BTNL9: variants seen among roughly 807,000 people sequenced by gnomAD.
BTNL9 encodes butyrophilin like 9.
A neutral mutation model predicts 45.8 loss-of-function variants in BTNL9; 45 were observed. That is an observed-to-expected ratio of 0.98 (90% CI 0.77 to 1.26). The LOEUF (loss-of-function observed/expected upper bound fraction) is 1.26. Ranked by LOEUF, BTNL9 falls within the 50% of genes most tolerant of loss-of-function variation. The pLI, the probability that BTNL9 is intolerant of heterozygous loss-of-function variation, is 0.00. For synonymous variants in BTNL9, 346 were observed against 330.8 expected, an observed-to-expected ratio of 1.05 and a Z score of -0.50; for missense variants, 784 against 729.7, an observed-to-expected ratio of 1.07 and a Z score of -0.86.
chr5:181,055,125 T>A lies in BTNL9; in HGVS notation c.908-308T>A, dbSNP rs1273191931. 2.1e-5 allele frequency: 24 copies of A among 1,165,540 alleles called. No homozygotes were observed. Among genetic ancestry groups the A allele is most frequent in the Non-Finnish European group, 2.3e-5 (22 of 944,096 alleles). 72.2% of individuals were successfully genotyped at this position (1,165,540 alleles called of 1,614,324 possible). On this transcript the variant is annotated intron_variant, in intron 7 of 10. Coordinates refer to ENST00000327705, the MANE Select transcript of BTNL9 (RefSeq NM_152547.5). This position sits in a 1 kb window ranked among gnomAD's most constrained non-coding sequence, Gnocchi z 4.4. Reference sequence around the variant, plus strand: ...GGCGGGAGCTCCGCCCCAGGAAGCTTGTGATTTCAGGCAGAAGGAACAACC... The same window carrying A: ...GGCGGGAGCTCCGCCCCAGGAAGCTAGTGATTTCAGGCAGAAGGAACAACC...
rs749284909 is a variant in BTNL9, at chr5:181,050,977, C to T, written c.736+608C>T. The stretch of plus-strand genomic sequence containing the variant: ...TGGCAGGCGCCTGTAATCCCAGCTA[C>T]TCGGGAGGCTGAGGCAGGAGAATCG... On this transcript the variant is annotated intron_variant, in intron 4 of 10. Coordinates refer to ENST00000327705, the MANE Select transcript of BTNL9 (RefSeq NM_152547.5). The surrounding 1 kb of genome is among the most constrained non-coding windows in gnomAD (Gnocchi z 4.9). Among the ~76,000 whole-genome samples the T allele has an allele frequency of 2.0e-5, 3 of 151,382 alleles. No homozygotes were observed. Among genetic ancestry groups the T allele is most frequent in the African/African-American group, 4.9e-5 (2 of 41,108 alleles).
At position 181,055,303 on chromosome 5, in the gene BTNL9, T is replaced by TAAA; in HGVS notation, c.908-119_908-117dup. ...CAATGAAGGGGCAAAGAGGAAGCTGTAAAAAAAAAAAAATGAAGCTGTGAT... is the reference window on the plus strand; with the variant it reads ...CAATGAAGGGGCAAAGAGGAAGCTGTAAAAAAAAAAAAAAAATGAAGCTGTGAT... On this transcript the variant is annotated intron_variant, in intron 7 of 10. Transcript: ENST00000327705. The surrounding 1 kb of genome is among the most constrained non-coding windows in gnomAD (Gnocchi z 4.4). The TAAA allele has an allele frequency of 9.9e-6, 13 of 1,318,306 alleles. No individual in the cohort carries two copies. Among genetic ancestry groups the TAAA allele is most frequent in the Non-Finnish European group, 7.1e-6 (7 of 979,818 alleles). The allele number at this position is 1,318,306 out of a possible 1,614,324, so 81.7% of individuals were successfully genotyped here.
intron 4 of BTNL9, among the ~76,000 whole-genome samples, chr5:181,051,836 T>A (rs1761556813): frequency 6.6e-6 from 1 of 152,198 alleles, no homozygotes; most frequent in Non-Finnish European, 1.5e-5. Flanking sequence ...ATTATTGATA[T>A]TTATTATGAA....
At chr5:181,054,106 C>T in intron 6 of BTNL9, 133 bp from the exon 7 acceptor site, 2 of 1,555,008 alleles carry the variant, frequency 1.3e-6, no homozygotes, top group Non-Finnish European at 1.7e-6. Context: ...AGCCTGGGCC[C>T]GCAGACCACC....
At chr5:181,049,381 T>G (rs1490857240) in intron 3 of BTNL9, among the ~76,000 whole-genome samples, 3 of 152,356 alleles carry the variant, frequency 2.0e-5, no homozygotes, top group East Asian at 3.9e-4. Flanking sequence ...ATTATGCATC[T>G]GAAACAATGA....
intron 2 of BTNL9, among the ~76,000 whole-genome samples, chr5:181,046,797 G>A (rs1207592258): frequency 1.3e-5 from 2 of 152,170 alleles, no homozygotes; most frequent in Non-Finnish European, 2.9e-5. Flanking sequence ...GAGGAGAGCC[G>A]TAGAGTGGGA....
chr5:181,055,346 T>C lies in BTNL9; in HGVS notation c.908-87T>C. 1 of 1,610,556 alleles carries C rather than the reference T, an allele frequency of 6.2e-7. No individual in the cohort carries two copies. Among genetic ancestry groups the C allele is most frequent in the Non-Finnish European group, 8.5e-7 (1 of 1,178,740 alleles). On this transcript the variant is annotated intron_variant, in intron 7 of 10. Coordinates refer to ENST00000327705, the MANE Select transcript of BTNL9 (RefSeq NM_152547.5). This position sits in a 1 kb window ranked among gnomAD's most constrained non-coding sequence, Gnocchi z 4.4. ...GCTGTGATTAGCAGTGGCTTAAGAC[T>C]AAGGAAGCTCTTCCCAGTGGCCTGT... is the stretch of plus-strand genomic sequence containing the variant.
Position 181,050,755 on chromosome 5 carries a change from A to T in BTNL9, c.736+386A>T, listed in dbSNP as rs546316268. Among the ~76,000 whole-genome samples the T allele has an allele frequency of 2.0e-5, 3 of 152,216 alleles. No individual in the cohort carries two copies. In the South Asian group the frequency reaches 6.2e-4, roughly 32 times the overall value. On this transcript the variant is annotated intron_variant, in intron 4 of 10. Transcript: ENST00000327705. The surrounding 1 kb of genome is among the most constrained non-coding windows in gnomAD (Gnocchi z 4.9). Reference sequence around the variant, plus strand: ...CCCCATGCCAGTGGGGGATACAGACAATAAGCAAAAGAAGTGCATCCTGTC... The same window carrying T: ...CCCCATGCCAGTGGGGGATACAGACTATAAGCAAAAGAAGTGCATCCTGTC...
chr5:181,046,589 A>T (rs1218277547), intron 2 of BTNL9, among the ~76,000 whole-genome samples: 1 of 152,176 alleles, frequency 6.6e-6, no homozygotes, highest in Non-Finnish European at 1.5e-5. Context: ...AACATAGCCC[A>T]GGTCTTCAGC....
intron 3 of BTNL9, among the ~76,000 whole-genome samples, chr5:181,049,455 C>T (rs987923595): frequency 2.0e-5 from 3 of 152,046 alleles, no homozygotes; most frequent in Admixed American, 2.0e-4. Flanking sequence ...AAGTAAGATG[C>T]AAGGTTCGAT....
chr5:181,050,036 C>T lies in BTNL9; in HGVS notation c.455-52C>T, dbSNP rs560340655. 7.7e-5 allele frequency: 121 copies of T among 1,567,504 alleles called. No individual in the cohort carries two copies. The Admixed American group carries it at 1.3e-3, about 16-fold the overall frequency. ...GCTGAACAGTGGCAGGAATGTTATG[C>T]GTGATTTCTCAGAAGAAGCCTGACC... On this transcript the variant is annotated intron_variant, in intron 3 of 10. Coordinates refer to ENST00000327705, the MANE Select transcript of BTNL9 (RefSeq NM_152547.5). This position sits in a 1 kb window ranked among gnomAD's most constrained non-coding sequence, Gnocchi z 4.9.
Position 181,045,551 on chromosome 5 carries a change from T to A in BTNL9, c.62T>A (p.Val21Asp), listed in dbSNP as rs1173117434. Residue 21 changes from valine to aspartate, a missense_variant, in exon 2 of 11, where the codon GTC becomes GAC. Val to Asp is a radical substitution (Grantham distance 152, BLOSUM62 -3). Coordinates refer to ENST00000327705, the MANE Select transcript of BTNL9 (RefSeq NM_152547.5). ...LKPVSLTSSL[V>D]FLMHLLLLQP... Reference sequence around the variant, plus strand: ...CCAGTATCGCTGACCAGCAGTCTTGTCTTCCTCATGCACCTCCTCCTCCTT... The same window carrying A: ...CCAGTATCGCTGACCAGCAGTCTTGACTTCCTCATGCACCTCCTCCTCCTT... The A allele has an allele frequency of 2.5e-6, 4 of 1,612,848 alleles. No homozygotes were observed. The South Asian group carries it at 3.3e-5, about 13-fold the overall frequency.
intron 6 of BTNL9, 65 bp from the exon 7 acceptor site, chr5:181,054,174 T>A (rs1035766556): frequency 1.9e-5 from 30 of 1,607,450 alleles, no homozygotes; most frequent in Middle Eastern, 1.7e-4. Flanking sequence ...CTGTTCTGTC[T>A]GCCTCATTCC....
chr5:181,049,242 T>G (rs1761403523), intron 3 of BTNL9, among the ~76,000 whole-genome samples: 1 of 151,990 alleles, frequency 6.6e-6, no homozygotes, highest in Non-Finnish European at 1.5e-5. Context: ...ACCTCCAATA[T>G]GAAAAAAGCA....
chr5:181,044,155 G>T (rs1760959729), intron 1 of BTNL9, among the ~76,000 whole-genome samples: 1 of 152,138 alleles, frequency 6.6e-6, no homozygotes, highest in Non-Finnish European at 1.5e-5. Flanking sequence ...TAGCCTAAGG[G>T]TCCCTGGGGA....
intron 1 of BTNL9, among the ~76,000 whole-genome samples, chr5:181,041,082 C>A (rs950214975): frequency 6.6e-6 from 1 of 152,194 alleles, no homozygotes; most frequent in Non-Finnish European, 1.5e-5. Context: ...AGAGACATGG[C>A]ATTTATTAAT....
rs546654750 is a variant in BTNL9, at chr5:181,055,090, C to T, written c.908-343C>T. The T allele has an allele frequency of 1.5e-4, 165 of 1,120,432 alleles. No individual in the cohort carries two copies. The highest frequency in any genetic ancestry group is 1.7e-4 in the Non-Finnish European group (155 of 915,494). The allele number at this position is 1,120,432 out of a possible 1,614,324, so 69.4% of individuals were successfully genotyped here. On this transcript the variant is annotated intron_variant, in intron 7 of 10. Transcript: ENST00000327705. The surrounding 1 kb of genome is among the most constrained non-coding windows in gnomAD (Gnocchi z 4.4). ...AGGCTCACGTAGGCGGCCCTCAGTG[C>T]CTGCACTTAGGCGGGAGCTCCGCCC...
In BTNL9 at chr5:181,055,414, TTGTG is replaced by T. The variant is rs768383106; in HGVS notation, c.908-15_908-12del. ...ACCCACCTGCAGGCTGAAGTTTTCT[TTGTG>T]TGTTCTGCTTGCAGAAAAGCTTCAG... is the stretch of plus-strand genomic sequence containing the variant. On this transcript the variant is annotated splice_polypyrimidine_tract_variant and intron_variant, in intron 7 of 10. Transcript: ENST00000327705. This position sits in a 1 kb window ranked among gnomAD's most constrained non-coding sequence, Gnocchi z 4.4. 6.2e-7 allele frequency: 1 copy of T among 1,614,072 alleles called. No homozygotes were observed. Among genetic ancestry groups the T allele is most frequent in the Non-Finnish European group, 8.5e-7 (1 of 1,180,020 alleles).
At chr5:181,045,717 G>C (rs958030060) in intron 2 of BTNL9, 119 bp downstream of exon 2, 36 of 778,052 alleles carry the variant, frequency 4.6e-5, no homozygotes, top group Non-Finnish European at 1.3e-5. Context: ...ATACAAAAAA[G>C]ACTTCCATCC....
Sources: allele counts gnomAD v4.1 joint callset (sites outside exome capture counted in the v4.1 genomes callset), GRCh38; gene constraint gnomAD v4.1.1; non-coding constraint Gnocchi (gnomAD v3.1); transcripts MANE v1.5; gene names NCBI Gene and HGNC (gene_info 2026-07-23, HGNC 2026-07-21).